Variants in GPC6 observed in about 807,000 individuals in gnomAD.
GPC6 encodes the protein glypican 6, also known as glypican-6.
Under a neutral mutation model 55.2 loss-of-function variants are expected in GPC6, and 14 were observed. That is an observed-to-expected ratio of 0.25 (90% CI 0.17 to 0.40). The LOEUF (loss-of-function observed/expected upper bound fraction) is 0.40. Ranked by LOEUF, GPC6 falls within the 10% of genes least tolerant of loss-of-function variation. The probability of loss-of-function intolerance (pLI) is 1.00; values close to 1 mark genes in which losing one functional copy is unlikely to be tolerated. For synonymous variants in GPC6, 278 were observed against 259.6 expected (o/e 1.07, Z -0.68); for missense variants, 641 against 708.5 (o/e 0.90, Z 1.08).
intron 1 of GPC6, among the ~76,000 whole-genome samples, chr13:93,343,166 T>C (rs1164327258): frequency 6.6e-6 from 1 of 150,788 alleles, no homozygotes; most frequent in Non-Finnish European, 1.5e-5. Context: ...TGAATGTCTG[T>C]ACATTTGCTT....
intron 1 of GPC6, among the ~76,000 whole-genome samples, chr13:93,364,869 A>G (rs1458554688): frequency 2.6e-5 from 4 of 151,832 alleles, no homozygotes; most frequent in African/African-American, 9.7e-5. Flanking sequence ...GAAGCACTCC[A>G]TATTATTGCA....
At chr13:94,167,287 T>C (rs560920603) in intron 4 of GPC6, among the ~76,000 whole-genome samples, 1 of 152,296 alleles carries the variant, frequency 6.6e-6, no homozygotes, top group African/African-American at 2.4e-5. Context: ...CATAACAGTG[T>C]TAAGGGGTGA....
chr13:93,782,751 C>G (rs1885694819), intron 2 of GPC6, among the ~76,000 whole-genome samples: 1 of 152,010 alleles, frequency 6.6e-6, no homozygotes, highest in African/African-American at 2.4e-5. Context: ...TGTTTAGGTC[C>G]TTAGTTCCAT....
In GPC6 at chr13:94,339,407, C is replaced by T. The variant is rs568512153; in HGVS notation, c.1152+33284C>T. Among the ~76,000 whole-genome samples the T allele has an allele frequency of 3.9e-5, 6 of 152,218 alleles. No homozygotes were observed. The South Asian group carries it at 6.2e-4, about 16-fold the overall frequency. On this transcript the variant is annotated intron_variant, in intron 6 of 8. Transcript: ENST00000377047. The stretch of plus-strand genomic sequence containing the variant: ...TCCTAATCACTCCCTTCCTAACACC[C>T]GCTGTCATTCATAAGTTACGCGATG...
chr13:94,023,308 T>G (rs1255536674), intron 3 of GPC6, among the ~76,000 whole-genome samples: 1 of 151,982 alleles, frequency 6.6e-6, no homozygotes, highest in Non-Finnish European at 1.5e-5. Flanking sequence ...TTTCAGAGTT[T>G]TTTTTTTTAA....
chr13:93,777,114 T>C (rs1451519972), intron 2 of GPC6, among the ~76,000 whole-genome samples: 2 of 152,214 alleles, frequency 1.3e-5, no homozygotes, highest in Non-Finnish European at 2.9e-5. Flanking sequence ...AGTCCTGTTA[T>C]GTAATTGAGT....
intron 2 of GPC6, among the ~76,000 whole-genome samples, chr13:93,776,979 A>G (rs572947009): frequency 2.6e-5 from 4 of 152,324 alleles, no homozygotes; most frequent in Admixed American, 2.0e-4. Flanking sequence ...AACCCCTGTC[A>G]GATTTCCTTA....
At chr13:94,134,502 A>G (rs1887114029) in intron 4 of GPC6, among the ~76,000 whole-genome samples, 1 of 152,164 alleles carries the variant, frequency 6.6e-6, no homozygotes, top group African/African-American at 2.4e-5. Context: ...AAAGTATTTT[A>G]TTTATTCTTT....
chr13:94,299,252 T>A (rs1230386151), intron 5 of GPC6, among the ~76,000 whole-genome samples: 1 of 152,250 alleles, frequency 6.6e-6, no homozygotes, highest in African/African-American at 2.4e-5. Context: ...GGCACCATTA[T>A]ACCTCATGTT....
At chr13:93,247,792 G>A (rs1876653884) in intron 1 of GPC6, among the ~76,000 whole-genome samples, 2 of 151,922 alleles carry the variant, frequency 1.3e-5, no homozygotes, top group Non-Finnish European at 2.9e-5. Context: ...AATATAACTT[G>A]GAAATGTCTT....
At position 93,227,593 on chromosome 13, in the gene GPC6, A is replaced by T; in HGVS notation, c.137A>T (p.Asp46Val). 1 of 1,608,234 alleles carries T rather than the reference A, an allele frequency of 6.2e-7. No homozygotes were observed. The highest frequency in any genetic ancestry group is 1.3e-5 in the African/African-American group (1 of 74,972). Residue 46 changes from aspartate to valine, a missense_variant, in exon 1 of 9, where the codon GAC becomes GTC. Coordinates refer to ENST00000377047, the MANE Select transcript of GPC6 (RefSeq NM_005708.5). This position sits in a 1 kb window ranked among gnomAD's most constrained non-coding sequence, Gnocchi z 4.3. Reference sequence around the variant, plus strand: ...GGTGCCAAGGGATTCAGCCTGGCGGACATCCCCTACCAGGAGATCGCAGGT... The same window carrying T: ...GGTGCCAAGGGATTCAGCCTGGCGGTCATCCCCTACCAGGAGATCGCAGGT... ...AYGAKGFSLA[D>V]IPYQEIAGEH...
chr13:93,850,763 C>G (rs1389289403), intron 3 of GPC6, among the ~76,000 whole-genome samples: 1 of 151,762 alleles, frequency 6.6e-6, no homozygotes. Context: ...TTAGTTTGAC[C>G]CTAATTAGTT....
chr13:93,611,878 C>A (rs551875504), intron 2 of GPC6, among the ~76,000 whole-genome samples: 1 of 152,242 alleles, frequency 6.6e-6, no homozygotes, highest in South Asian at 2.1e-4. Context: ...TTGTTTAGAT[C>A]TATTCTTTAT....
chr13:93,830,473 C>T lies in GPC6; in HGVS notation c.639C>T (p.Arg213=), dbSNP rs151162530. 6.4e-5 allele frequency: 104 copies of T among 1,613,562 alleles called. No homozygotes were observed. Among genetic ancestry groups the T allele is most frequent in the African/African-American group, 3.5e-4 (26 of 74,872 alleles). The change falls in exon 3 of 9, where the codon CGC becomes CGT. Residue 213 remains arginine, a synonymous_variant. Coordinates refer to ENST00000377047, the MANE Select transcript of GPC6 (RefSeq NM_005708.5). ...GGAAACTGAAGATTCAGGTTACCCG[C>T]GCCTTCATTGCTGCCAGGACCTTTG... The part of the protein sequence containing the change: ...VPRKLKIQVT[R]AFIAARTFVQ...
chr13:93,670,760 C>G (rs1377939175), intron 2 of GPC6, among the ~76,000 whole-genome samples: 2 of 152,176 alleles, frequency 1.3e-5, no homozygotes, highest in African/African-American at 4.8e-5. Flanking sequence ...CAGAATAGCT[C>G]ATCGTACAGG....
intron 2 of GPC6, among the ~76,000 whole-genome samples, chr13:93,571,448 C>A (rs971203624): frequency 5.9e-5 from 9 of 152,042 alleles, no homozygotes; most frequent in African/African-American, 1.9e-4. Flanking sequence ...ACCAGAAAAT[C>A]ATTATCAGGA....
intron 1 of GPC6, among the ~76,000 whole-genome samples, chr13:93,474,981 TA>T (rs1879251267): frequency 6.6e-6 from 1 of 152,058 alleles, no homozygotes; most frequent in Admixed American, 6.6e-5. Context: ...ACCCAGCCTC[TA>T]AAAAAATAAA....
intron 1 of GPC6, chr13:93,394,999 C>A: frequency 4.4e-6 from 1 of 226,750 alleles, no homozygotes; most frequent in South Asian, 7.6e-5. Context: ...CCTCCACTGT[C>A]ACAGGGGCAC....
chr13:94,113,493 T>C (rs1184912898), intron 4 of GPC6, among the ~76,000 whole-genome samples: 1 of 152,154 alleles, frequency 6.6e-6, no homozygotes, highest in African/African-American at 2.4e-5. Context: ...TAAATATGTG[T>C]GCACCTTGTA....
Sources: allele counts gnomAD v4.1 joint callset (sites outside exome capture counted in the v4.1 genomes callset), GRCh38; gene constraint gnomAD v4.1.1; non-coding constraint Gnocchi (gnomAD v3.1); transcripts MANE v1.5; gene names NCBI Gene and HGNC (gene_info 2026-07-23, HGNC 2026-07-21).